The following GPR176 variants were observed in gnomAD, a reference collection of about 807,000 sequenced individuals.
GPR176 encodes G protein-coupled receptor 176.
Under a neutral mutation model 35.4 loss-of-function variants are expected in GPR176, and 26 were observed. The ratio of observed to expected loss-of-function variants is 0.74; its 90% CI spans 0.54 to 1.02. GPR176 has a LOEUF of 1.02. Ranked by LOEUF, GPR176 falls within the 50% of genes least tolerant of loss-of-function variation. The probability of loss-of-function intolerance (pLI) is 0.00; values close to 1 mark genes in which losing one functional copy is unlikely to be tolerated. For synonymous variants in GPR176, 278 were observed against 271.3 expected (o/e 1.02, Z -0.24); for missense variants, 597 against 665.3 (o/e 0.90, Z 1.13).
intron 1 of GPR176, among the ~76,000 whole-genome samples, chr15:39,859,993 CA>C (rs10712342): frequency 0.7 from 102,680 of 146,584 alleles, 35,431 homozygotes; most frequent in African/African-American, 0.77. Flanking sequence ...AGGCTTAAAT[CA>C]AAAAAAAAAA....
At chr15:39,893,885 G>A (rs1444487526) in intron 1 of GPR176, among the ~76,000 whole-genome samples, 1 of 144,130 alleles carries the variant, frequency 6.9e-6, no homozygotes, top group Non-Finnish European at 1.5e-5. Flanking sequence ...CCTCCCGGAC[G>A]GGGCGGCTGG....
At chr15:39,877,242 G>A (rs918337665) in intron 1 of GPR176, among the ~76,000 whole-genome samples, 1 of 151,986 alleles carries the variant, frequency 6.6e-6, no homozygotes, top group Non-Finnish European at 1.5e-5. Context: ...ACTGTTGCCA[G>A]AAAACACAAA....
At chr15:39,803,478 C>T (rs1280192015) in intron 2 of GPR176, among the ~76,000 whole-genome samples, 1 of 151,810 alleles carries the variant, frequency 6.6e-6, no homozygotes, top group East Asian at 1.9e-4. Flanking sequence ...CGGAGTTTCG[C>T]CATGTTGGCC....
At chr15:39,897,042 T>C (rs1407401283) in intron 1 of GPR176, among the ~76,000 whole-genome samples, 4 of 152,200 alleles carry the variant, frequency 2.6e-5, no homozygotes, top group Admixed American at 2.6e-4. Flanking sequence ...AAAAATGCAT[T>C]ATGCTGAAAT....
chr15:39,873,298 C>T (rs7173524), intron 1 of GPR176, among the ~76,000 whole-genome samples: 20,921 of 152,096 alleles, frequency 0.14, 1,790 homozygotes, highest in Middle Eastern at 0.3. Context: ...AAGTTTGACT[C>T]CAAAGCCCAA....
At chr15:39,803,275 T>C (rs1898999767) in intron 2 of GPR176, among the ~76,000 whole-genome samples, 2 of 130,890 alleles carry the variant, frequency 1.5e-5, no homozygotes, top group Non-Finnish European at 3.4e-5. Flanking sequence ...GTACTTCTTT[T>C]TTTTTTTTTT....
chr15:39,879,553 T>G (rs1422455624), intron 1 of GPR176, among the ~76,000 whole-genome samples: 2 of 152,172 alleles, frequency 1.3e-5, no homozygotes, highest in East Asian at 3.8e-4. Context: ...TCCCCCTCCT[T>G]GACCTTACTC....
chr15:39,826,492 C>A (rs1050192566), intron 1 of GPR176, among the ~76,000 whole-genome samples: 1 of 152,046 alleles, frequency 6.6e-6, no homozygotes, highest in South Asian at 2.1e-4. Context: ...AAGGTCCTCC[C>A]CACCTACAGG....
intron 1 of GPR176, among the ~76,000 whole-genome samples, chr15:39,903,992 T>C (rs2033353047): frequency 6.6e-6 from 1 of 152,208 alleles, no homozygotes; most frequent in African/African-American, 2.4e-5. Flanking sequence ...GATGATATGC[T>C]AAACAAGGGG....
rs1223669048 is a variant in GPR176 at position 39,917,396 on chromosome 15, T to C, written c.172+2459A>G. Among the ~76,000 whole-genome samples, 3 of 149,514 alleles carry C rather than the reference T, an allele frequency of 2.0e-5. 1 individual carries two copies. The highest frequency in any genetic ancestry group is 2.0e-4 in the Admixed American group (3 of 14,978). ...TGTTGCCCAGGCTGGAGTGCAGCAGTGAAATCCCAGCTCACTGCAACCTAA... is the reference window on the plus strand; with the variant it reads ...TGTTGCCCAGGCTGGAGTGCAGCAGCGAAATCCCAGCTCACTGCAACCTAA... On this transcript the variant is annotated intron_variant, in intron 1 of 2. Coordinates refer to ENST00000561100, the MANE Select transcript of GPR176 (RefSeq NM_007223.3).
At chr15:39,826,404 CAGGACCCCAGG>C (rs1398900993) in intron 1 of GPR176, among the ~76,000 whole-genome samples, 1 of 152,144 alleles carries the variant, frequency 6.6e-6, no homozygotes, top group Non-Finnish European at 1.5e-5. Context: ...GGAGTAAAGA[CAGGACCCCAGG>C]GGTGCTTAAA....
At chr15:39,910,497 G>A (rs1209609739) in intron 1 of GPR176, among the ~76,000 whole-genome samples, 7 of 151,968 alleles carry the variant, frequency 4.6e-5, no homozygotes, top group African/African-American at 1.5e-4. Flanking sequence ...GGGGGAGGTT[G>A]CAGTGAGCTG....
At chr15:39,840,855 T>C (rs1014151800) in intron 1 of GPR176, among the ~76,000 whole-genome samples, 2 of 152,200 alleles carry the variant, frequency 1.3e-5, no homozygotes, top group African/African-American at 2.4e-5. Flanking sequence ...ATTTTACATG[T>C]ATCCTATCAT....
rs150078447 is a variant in GPR176, at chr15:39,914,602, A to G, written c.172+5253T>C. The stretch of plus-strand genomic sequence containing the variant: ...TGGGATTACAGGCATGAGCCACCAC[A>G]CCTGGCCCAGGATACCTTATTCTTA... On this transcript the variant is annotated intron_variant, in intron 1 of 2. Transcript: ENST00000561100. Among the ~76,000 whole-genome samples the G allele has an allele frequency of 7.2e-5, 11 of 152,048 alleles. No homozygotes were observed. The East Asian group carries it at 9.7e-4, about 13-fold the overall frequency.
chr15:39,847,560 A>G (rs1404086849), intron 1 of GPR176, among the ~76,000 whole-genome samples: 1 of 152,038 alleles, frequency 6.6e-6, no homozygotes, highest in African/African-American at 2.4e-5. Context: ...CCTGGCTAAC[A>G]TGGTGAAACC....
intron 1 of GPR176, among the ~76,000 whole-genome samples, chr15:39,829,472 G>C (rs1219487876): frequency 2.0e-5 from 3 of 152,018 alleles, no homozygotes; most frequent in Non-Finnish European, 2.9e-5. Context: ...GGTGGGCTTG[G>C]GGACACATCC....
chr15:39,881,457 G>A (rs552704909), intron 1 of GPR176, among the ~76,000 whole-genome samples: 1 of 152,288 alleles, frequency 6.6e-6, no homozygotes, highest in East Asian at 1.9e-4. Context: ...GTGTCCAGTG[G>A]CGGGATTTGG....
At chr15:39,914,903 C>T (rs1027344708) in intron 1 of GPR176, among the ~76,000 whole-genome samples, 1 of 152,196 alleles carries the variant, frequency 6.6e-6, no homozygotes, top group East Asian at 1.9e-4. Flanking sequence ...TACCATGAAC[C>T]TTGCTGGTAC....
Position 39,869,849 on chromosome 15 carries a change from G to A in GPR176, c.172+50006C>T, listed in dbSNP as rs144917515. ...TTTTTAAAATGTAGACATCATAGAT[G>A]TGGGGTGGTGGTGTCCCATTAGTAT... On this transcript the variant is annotated intron_variant, in intron 1 of 2. Coordinates refer to ENST00000561100, the MANE Select transcript of GPR176 (RefSeq NM_007223.3). Among the ~76,000 whole-genome samples, 266 of 152,220 alleles carry A rather than the reference G, an allele frequency of 1.7e-3. 1 individual carries two copies. The highest frequency in any genetic ancestry group is 5.8e-3 in the African/African-American group (241 of 41,538).
Sources: gnomAD v4.1 joint callset for allele counts (sites outside exome capture counted in the v4.1 genomes callset) on GRCh38, gnomAD v4.1.1 for gene constraint, MANE v1.5 for transcripts, NCBI Gene and HGNC (gene_info 2026-07-23, HGNC 2026-07-21) for gene names.